TCF12: variants seen among roughly 807,000 people sequenced by gnomAD.
TCF12 encodes transcription factor 12, also known as DNA-binding protein HTF4.
A neutral mutation model predicts 86.0 loss-of-function variants in TCF12; 45 were observed. The ratio of observed to expected loss-of-function variants is 0.52; its 90% CI spans 0.41 to 0.67. The LOEUF (loss-of-function observed/expected upper bound fraction) is 0.67, where lower values mean the gene tolerates loss of function less well. Among genes scored for constraint, TCF12 ranks in the 30% least tolerant of loss-of-function variants. TCF12 has a pLI of 0.00. For synonymous variants in TCF12, 330 were observed against 299.6 expected (o/e 1.10, Z -1.05); for missense variants, 881 against 859.9 (o/e 1.02, Z -0.31).
At chr15:57,058,781 T>C (rs1245011809) in intron 3 of TCF12, among the ~76,000 whole-genome samples, 3 of 152,220 alleles carry the variant, frequency 2.0e-5, no homozygotes, top group Admixed American at 6.5e-5. Context: ...GCACTTGTTA[T>C]TATATTCTAA....
chr15:57,136,958 G>GTTTTTTTTTTTTTTT lies in TCF12; in HGVS notation c.326-29433_326-29432insTTTTTTTTTTTTTTT, dbSNP rs869113042. ...TAGACAATAGCCACTGCTTCTGGCA[G>GTTTTTTTTTTTTTTT]TTTTTTTTTTTGTTTTTTTTTTTTT... On this transcript the variant is annotated intron_variant, in intron 5 of 20. Coordinates refer to ENST00000333725, the MANE Select transcript of TCF12 (RefSeq NM_207037.2). 4.3e-4 allele frequency among the ~76,000 whole-genome samples: 36 copies of GTTTTTTTTTTTTTTT among 83,044 alleles called. 17 individuals are homozygous for GTTTTTTTTTTTTTTT. The highest frequency in any genetic ancestry group is 1.4e-3 in the African/African-American group (29 of 20,800). 54.5% of individuals were successfully genotyped at this position (83,044 alleles called of 152,430 possible). A position where few individuals can be genotyped will look rare whatever the true frequency, so the allele number is the denominator to read the frequency against.
At chr15:57,183,715 G>C (rs1372861803) in intron 6 of TCF12, among the ~76,000 whole-genome samples, 1 of 152,140 alleles carries the variant, frequency 6.6e-6, no homozygotes, top group Non-Finnish European at 1.5e-5. Context: ...GTATTAACTA[G>C]GGCCAATAAC....
At chr15:57,107,552 T>C (rs2050216217) in intron 5 of TCF12, among the ~76,000 whole-genome samples, 1 of 152,092 alleles carries the variant, frequency 6.6e-6, no homozygotes, top group Non-Finnish European at 1.5e-5. Context: ...GAGTAAACCC[T>C]AATGTAAACT....
chr15:57,117,591 A>G (rs1334441946), intron 5 of TCF12, among the ~76,000 whole-genome samples: 9 of 152,190 alleles, frequency 5.9e-5, no homozygotes, highest in African/African-American at 2.2e-4. Flanking sequence ...TAATATATAA[A>G]TGCGGATAGT....
intron 16 of TCF12, among the ~76,000 whole-genome samples, chr15:57,261,646 A>G (rs1274927443): frequency 2.6e-5 from 4 of 152,162 alleles, no homozygotes; most frequent in Admixed American, 2.0e-4. Context: ...TTAATACTGC[A>G]ATAGCTGACT....
Position 56,959,003 on chromosome 15 carries a change from G to A in TCF12, c.148+37905G>A, listed in dbSNP as rs562543434. On this transcript the variant is annotated intron_variant, in intron 3 of 20. Coordinates refer to ENST00000333725, the MANE Select transcript of TCF12 (RefSeq NM_207037.2). ...TATGTATATTAGGCTGTCTTCTACAGCAGTGAGAAATCTCTGGCTTATTGG... is the reference window on the plus strand; with the variant it reads ...TATGTATATTAGGCTGTCTTCTACAACAGTGAGAAATCTCTGGCTTATTGG... Among the ~76,000 whole-genome samples the A allele has an allele frequency of 3.9e-5, 6 of 152,266 alleles. No homozygotes were observed. The South Asian group carries it at 1.2e-3, about 32-fold the overall frequency.
chr15:56,930,375 G>T (rs1346018663), intron 3 of TCF12, among the ~76,000 whole-genome samples: 4 of 152,204 alleles, frequency 2.6e-5, no homozygotes, highest in Non-Finnish European at 5.9e-5. Flanking sequence ...GGGCACTTGT[G>T]CCAAGGGTAA....
intron 5 of TCF12, among the ~76,000 whole-genome samples, chr15:57,098,139 T>G (rs2049468691): frequency 6.6e-6 from 1 of 151,612 alleles, no homozygotes; most frequent in Non-Finnish European, 1.5e-5. Context: ...GAGCCCAGAT[T>G]GCGCCACTGC....
At chr15:57,259,768 G>A (rs142358889) in intron 16 of TCF12, among the ~76,000 whole-genome samples, 1 of 152,310 alleles carries the variant, frequency 6.6e-6, no homozygotes, top group African/African-American at 2.4e-5. Context: ...AGTCCTATCT[G>A]GCTGGCCCCA....
At chr15:57,273,756 C>A (rs2152101563) in intron 19 of TCF12, among the ~76,000 whole-genome samples, 1 of 152,262 alleles carries the variant, frequency 6.6e-6, no homozygotes, top group East Asian at 1.9e-4. Flanking sequence ...AATAAGGTCT[C>A]AGGGCTTCTT....
chr15:57,226,804 A>T (rs916623628), intron 8 of TCF12, among the ~76,000 whole-genome samples: 3 of 152,186 alleles, frequency 2.0e-5, no homozygotes, highest in African/African-American at 7.2e-5. Flanking sequence ...TGCCTTGTTC[A>T]GTATAGTAAG....
intron 6 of TCF12, among the ~76,000 whole-genome samples, chr15:57,168,132 C>G (rs1239681412): frequency 6.6e-6 from 1 of 152,010 alleles, no homozygotes. Context: ...GGCAATGTAG[C>G]CAGATTGCAT....
chr15:57,150,871 G>GTCCCTCCCTCCC (rs766977327), intron 5 of TCF12, among the ~76,000 whole-genome samples: 14 of 48,832 alleles, frequency 2.9e-4, no homozygotes, highest in African/African-American at 9.6e-4. Context: ...CTCCCCCTCT[G>GTCCCTCCCTCCC]TCCCTTCCTT....
At chr15:57,172,452 C>T (rs146017908) in intron 6 of TCF12, among the ~76,000 whole-genome samples, 1 of 152,286 alleles carries the variant, frequency 6.6e-6, no homozygotes, top group Admixed American at 6.5e-5. Flanking sequence ...CTTTCAGGGG[C>T]ACACATTACA....
chr15:57,267,491 ATAT>A (rs1567019895), intron 18 of TCF12, among the ~76,000 whole-genome samples: 2 of 152,208 alleles, frequency 1.3e-5, no homozygotes, highest in African/African-American at 4.8e-5. Flanking sequence ...TCTTTCCTCC[ATAT>A]TCATCTTCTT....
chr15:57,061,381 C>A (rs2068447233), intron 3 of TCF12, among the ~76,000 whole-genome samples: 1 of 152,022 alleles, frequency 6.6e-6, no homozygotes, highest in Non-Finnish European at 1.5e-5. Flanking sequence ...TCGCTGGAGG[C>A]CAGGAGTTCA....
chr15:57,277,001 T>G (rs2061429489), intron 19 of TCF12, among the ~76,000 whole-genome samples: 1 of 151,954 alleles, frequency 6.6e-6, no homozygotes, highest in Non-Finnish European at 1.5e-5. Flanking sequence ...AGACAGAGTT[T>G]CACCATGTTG....
intron 6 of TCF12, among the ~76,000 whole-genome samples, chr15:57,186,890 A>G (rs976984951): frequency 6.6e-5 from 10 of 152,172 alleles, no homozygotes; most frequent in African/African-American, 2.4e-4. Context: ...GATGCCAAAA[A>G]AGAATCTCAG....
At chr15:57,083,528 C>T (rs1245227399) in intron 4 of TCF12, among the ~76,000 whole-genome samples, 1 of 151,950 alleles carries the variant, frequency 6.6e-6, no homozygotes, top group Non-Finnish European at 1.5e-5. Flanking sequence ...AAAATACTAA[C>T]ACTTTTTATA....
Sources: allele counts gnomAD v4.1 joint callset (sites outside exome capture counted in the v4.1 genomes callset), GRCh38; gene constraint gnomAD v4.1.1; transcripts MANE v1.5; gene names NCBI Gene and HGNC (gene_info 2026-07-23, HGNC 2026-07-21).